The following PIK3C2A variants were observed in gnomAD, a reference collection of about 807,000 sequenced individuals.
PIK3C2A encodes phosphatidylinositol 4-phosphate 3-kinase C2 domain-containing subunit alpha.
In PIK3C2A, 97 loss-of-function variants were observed where a neutral mutation model predicts 204.5. The observed-to-expected ratio is 0.47, with a 90% confidence interval of 0.40 to 0.56. The LOEUF (loss-of-function observed/expected upper bound fraction) is 0.56. PIK3C2A is among the 20% of genes least tolerant of loss of function. PIK3C2A has a pLI of 0.00. For missense variants in PIK3C2A, 1,735 were observed against 1,969.2 expected (o/e 0.88, Z 2.25); for synonymous variants, 653 against 664.4 (o/e 0.98, Z 0.26).
chr11:17,175,045 G>T (rs1851295005), intron 1 of PIK3C2A, among the ~76,000 whole-genome samples: 1 of 152,192 alleles, frequency 6.6e-6, no homozygotes, highest in South Asian at 2.1e-4. Flanking sequence ...AATGAACAAT[G>T]TAACACTATT....
At chr11:17,167,109 C>T (rs1850985388) in intron 2 of PIK3C2A, among the ~76,000 whole-genome samples, 1 of 152,010 alleles carries the variant, frequency 6.6e-6, no homozygotes, top group South Asian at 2.1e-4. Context: ...TAGCTGGGAC[C>T]ACAGGAGTAT....
intron 1 of PIK3C2A, among the ~76,000 whole-genome samples, chr11:17,191,659 T>C (rs1200070944): frequency 6.6e-6 from 1 of 152,188 alleles, no homozygotes; most frequent in Non-Finnish European, 1.5e-5. Flanking sequence ...TGAGTTCTCC[T>C]GGCATCTTTT....
At chr11:17,100,003 A>AT (rs776352290) in intron 25 of PIK3C2A, 34 bp from the exon 26 acceptor site, 5 of 1,030,524 alleles carry the variant, frequency 4.9e-6, no homozygotes, top group Non-Finnish European at 7.6e-6. Context: ...TGTGAGTTAA[A>AT]TTTTTTAAAA....
At chr11:17,110,401 T>G (rs760887075) in intron 22 of PIK3C2A, 31 bp downstream of exon 22, 44 of 1,551,984 alleles carry the variant, frequency 2.8e-5, no homozygotes, top group Non-Finnish European at 3.5e-5. Flanking sequence ...AGGAAAAAAA[T>G]AAGACATCAA....
At chr11:17,134,649 C>T (rs1049859391) in intron 11 of PIK3C2A, among the ~76,000 whole-genome samples, 170 bp downstream of exon 11, 1 of 152,206 alleles carries the variant, frequency 6.6e-6, no homozygotes, top group African/African-American at 2.4e-5. Context: ...GCATGAGCCA[C>T]CGTGCCTGAC....
chr11:17,150,470 C>T (rs753227465), intron 4 of PIK3C2A, 28 bp downstream of exon 4: 17 of 1,546,704 alleles, frequency 1.1e-5, no homozygotes, highest in East Asian at 2.4e-5. Flanking sequence ...CAGAGCAAAA[C>T]GAGAGGCTTG....
chr11:17,201,179 C>T (rs1852359843), intron 1 of PIK3C2A, among the ~76,000 whole-genome samples: 1 of 151,804 alleles, frequency 6.6e-6, no homozygotes, highest in Admixed American at 6.6e-5. Flanking sequence ...GCACTCCAGC[C>T]TGGGTTACAG....
At chr11:17,100,255 G>GGA (rs1848584771) in intron 25 of PIK3C2A, among the ~76,000 whole-genome samples, 1 of 119,000 alleles carries the variant, frequency 8.4e-6, no homozygotes. Context: ...GGGGCGGGGG[G>GGA]GGGGGGCAGG....
intron 8 of PIK3C2A, among the ~76,000 whole-genome samples, chr11:17,136,892 T>C (rs1358609349): frequency 6.6e-6 from 1 of 152,206 alleles, no homozygotes; most frequent in Non-Finnish European, 1.5e-5. Flanking sequence ...AGTAGAAGCA[T>C]AAATTAGTAG....
At position 17,112,652 on chromosome 11, in the gene PIK3C2A, GA is replaced by G; in HGVS notation, c.3335del (p.Phe1112SerfsTer8). ...CTTTTAGGGGGACAGCATTAGAACT[GA>G]AGAAGGAACACGACTGCAAATACAA... ...KELNIKSCSFFSSNAVPLKVT... is the reference protein window; with the variant it reads ...KELNIKSCSFXSSNAVPLKVT... On this transcript the variant is annotated frameshift_variant, in exon 21 of 33. Transcript: ENST00000691414. LOFTEE classifies it high-confidence loss of function. 6.6e-7 allele frequency: 1 copy of G among 1,508,800 alleles called. No individual in the cohort carries two copies. The highest frequency in any genetic ancestry group is 8.9e-7 in the Non-Finnish European group (1 of 1,119,308). The allele number at this position is 1,508,800 out of a possible 1,614,324, so 93.5% of individuals were successfully genotyped here.
chr11:17,139,869 T>C (rs1378986422), intron 8 of PIK3C2A, among the ~76,000 whole-genome samples: 3 of 152,216 alleles, frequency 2.0e-5, no homozygotes, highest in Non-Finnish European at 4.4e-5. Context: ...CTCTGCTTCT[T>C]CTACCAGGCA....
At chr11:17,134,254 T>C (rs1386397260) in intron 11 of PIK3C2A, among the ~76,000 whole-genome samples, 2 of 152,184 alleles carry the variant, frequency 1.3e-5, no homozygotes, top group Non-Finnish European at 2.9e-5. Context: ...TCACCCAGGC[T>C]GGAGTGCAGT....
At chr11:17,111,519 G>T (rs1172934784) in intron 21 of PIK3C2A, among the ~76,000 whole-genome samples, 1 of 151,970 alleles carries the variant, frequency 6.6e-6, no homozygotes, top group Non-Finnish European at 1.5e-5. Flanking sequence ...CACATAATAA[G>T]GAATACATTC....
At chr11:17,198,693 G>C (rs1852248861) in intron 1 of PIK3C2A, among the ~76,000 whole-genome samples, 1 of 152,100 alleles carries the variant, frequency 6.6e-6, no homozygotes, top group Admixed American at 6.6e-5. Flanking sequence ...TCTGGAGGCT[G>C]AGGCAGAAGG....
intron 3 of PIK3C2A, among the ~76,000 whole-genome samples, chr11:17,151,397 C>G (rs932727173): frequency 6.6e-6 from 1 of 152,170 alleles, no homozygotes; most frequent in Admixed American, 6.5e-5. Context: ...CTCCTTCCTG[C>G]TTTTCATAGG....
intron 2 of PIK3C2A, among the ~76,000 whole-genome samples, chr11:17,157,459 CAAAA>C (rs11387654): frequency 2.0e-5 from 2 of 99,650 alleles, no homozygotes; most frequent in Non-Finnish European, 3.8e-5. Flanking sequence ...GACTCTGTCT[CAAAA>C]AAAAAAAAAA....
chr11:17,144,622 C>T (rs563349940), intron 8 of PIK3C2A, among the ~76,000 whole-genome samples: 8 of 152,118 alleles, frequency 5.3e-5, no homozygotes, highest in East Asian at 1.9e-4. Flanking sequence ...TGGCTGGGCA[C>T]GGTGTCTCAT....
At chr11:17,180,519 AAC>A (rs1213129766) in intron 1 of PIK3C2A, among the ~76,000 whole-genome samples, 4 of 111,000 alleles carry the variant, frequency 3.6e-5, no homozygotes, top group African/African-American at 1.0e-4. Context: ...CAACAACAAC[AAC>A]AAAAAACAAA....
At chr11:17,145,330 A>C (rs1230267248) in intron 8 of PIK3C2A, among the ~76,000 whole-genome samples, 1 of 152,106 alleles carries the variant, frequency 6.6e-6, no homozygotes, top group African/African-American at 2.4e-5. Flanking sequence ...AGATGGCAAT[A>C]AACTGAATCA....
Sources: allele counts gnomAD v4.1 joint callset (sites outside exome capture counted in the v4.1 genomes callset), GRCh38; gene constraint gnomAD v4.1.1; transcripts MANE v1.5; gene names NCBI Gene and HGNC (gene_info 2026-07-23, HGNC 2026-07-21).